Variants in STON1 observed in about 807,000 individuals in gnomAD.
STON1 encodes the protein stonin 1, also known as stonin-1.
In STON1, 79 loss-of-function variants were observed where a neutral mutation model predicts 60.9. The ratio of observed to expected loss-of-function variants is 1.30; its 90% confidence interval spans 1.08 to 1.56. The LOEUF (loss-of-function observed/expected upper bound fraction) is 1.56, where lower values mean the gene tolerates loss of function less well. Among genes scored for constraint, STON1 ranks in the 40% most tolerant of loss-of-function variants. The pLI, the probability that STON1 is intolerant of heterozygous loss-of-function variation, is 0.00. For synonymous variants in STON1, 363 were observed against 306.9 expected (o/e 1.18, Z -1.91); for missense variants, 1,166 against 858.9 (o/e 1.36, Z -4.47).
chr2:48,532,301 A>T (rs1671243880), intron 1 of STON1, among the ~76,000 whole-genome samples: 1 of 151,818 alleles, frequency 6.6e-6, no homozygotes, highest in South Asian at 2.1e-4. Context: ...GTGAGCCGAG[A>T]TTACACCACT....
chr2:48,586,087 C>T (rs762035679), intron 2 of STON1, among the ~76,000 whole-genome samples: 3 of 152,248 alleles, frequency 2.0e-5, no homozygotes, highest in South Asian at 2.1e-4. Context: ...AAAGCCTGGC[C>T]AGGGTAACCA....
chr2:48,584,270 A>AT (rs1674071384), intron 2 of STON1, among the ~76,000 whole-genome samples: 1 of 151,486 alleles, frequency 6.6e-6, no homozygotes, highest in Non-Finnish European at 1.5e-5. Context: ...AAACCTGGCT[A>AT]TATTATTATT....
chr2:48,543,529 CTT>C (rs869048449), intron 1 of STON1, among the ~76,000 whole-genome samples: 174 of 128,164 alleles, frequency 1.4e-3, no homozygotes, highest in African/African-American at 4.0e-3. Context: ...TTAAAGATAA[CTT>C]TTTTTTTTTT....
rs568923182 is a variant in STON1, at chr2:48,558,360, C to T, written c.-47-22227C>T. Among the ~76,000 whole-genome samples, 4 of 152,348 alleles carry T rather than the reference C, an allele frequency of 2.6e-5. No individual in the cohort carries two copies. The South Asian group carries it at 8.3e-4, about 32-fold the overall frequency. On this transcript the variant is annotated intron_variant, in intron 1 of 3. Transcript: ENST00000404752. ...AGCAAACATGCTGTTGTTATGTTAT[C>T]TGTAATTCAGCAGTACTTGCCTGTG... is the stretch of plus-strand genomic sequence containing the variant.
chr2:48,572,099 G>T (rs1337791423), intron 1 of STON1, among the ~76,000 whole-genome samples: 2 of 152,134 alleles, frequency 1.3e-5, no homozygotes, highest in Non-Finnish European at 2.9e-5. Flanking sequence ...GGAGGCAGAG[G>T]TTGCAGTGAG....
intron 1 of STON1, among the ~76,000 whole-genome samples, chr2:48,538,210 G>A (rs1671509193): frequency 6.6e-6 from 1 of 152,044 alleles, no homozygotes; most frequent in Non-Finnish European, 1.5e-5. Flanking sequence ...CCCCTCCTCG[G>A]CCTCCCAAAG....
At chr2:48,536,603 C>T (rs11689512) in intron 1 of STON1, among the ~76,000 whole-genome samples, 21,143 of 144,556 alleles carry the variant, frequency 0.15, 1,943 homozygotes, top group East Asian at 0.41. Flanking sequence ...TAAGGAAGAA[C>T]GCAAAAATTG....
Position 48,581,898 on chromosome 2 carries a change from AC to A in STON1, c.1266del (p.Trp424GlyfsTer15), listed in dbSNP as rs760692296. 2 of 1,613,920 alleles carry A rather than the reference AC, an allele frequency of 1.2e-6. No homozygotes were observed. Among genetic ancestry groups the A allele is most frequent in the Middle Eastern group, 1.6e-4 (1 of 6,082 alleles). ...EQEISLEIVD[N>X]FWGKVTKEGK... is the part of the protein sequence containing the mutation. Reference sequence around the variant, plus strand: ...GAAATTTCCTTGGAAATTGTGGACAACTTTTGGGGTAAAGTCACAAAAGAAG... The same window carrying A: ...GAAATTTCCTTGGAAATTGTGGACAATTTTGGGGTAAAGTCACAAAAGAAG... On this transcript the variant is annotated frameshift_variant, in exon 2 of 4. Transcript: ENST00000404752. LOFTEE classifies it high-confidence loss of function.
chr2:48,592,618 A>G (rs1159452162), intron 3 of STON1, among the ~76,000 whole-genome samples: 1 of 147,414 alleles, frequency 6.8e-6, no homozygotes, highest in Non-Finnish European at 1.5e-5. Flanking sequence ...TATTATTATT[A>G]TTATTATTAT....
At chr2:48,582,785 A>C (rs1199739328) in intron 2 of STON1, among the ~76,000 whole-genome samples, 1 of 152,206 alleles carries the variant, frequency 6.6e-6, no homozygotes, top group African/African-American at 2.4e-5. Context: ...TTTAAATATC[A>C]TACGAAATAC....
At chr2:48,563,811 G>A (rs370543651) in intron 1 of STON1, among the ~76,000 whole-genome samples, 4 of 151,958 alleles carry the variant, frequency 2.6e-5, no homozygotes, top group Admixed American at 6.6e-5. Flanking sequence ...CTCTCACCTC[G>A]GCCTCCTAAG....
chr2:48,534,577 G>A (rs1271471826), intron 1 of STON1, among the ~76,000 whole-genome samples: 1 of 152,172 alleles, frequency 6.6e-6, no homozygotes, highest in East Asian at 1.9e-4. Flanking sequence ...TCAGCACTTT[G>A]GGAGGCTGAG....
At chr2:48,555,008 ACACAG>A (rs1214648742) in intron 1 of STON1, among the ~76,000 whole-genome samples, 1 of 56,880 alleles carries the variant, frequency 1.8e-5, no homozygotes, top group Non-Finnish European at 3.5e-5. Context: ...CCCTGAGTGG[ACACAG>A]CACATGTTTC....
At chr2:48,585,252 T>C (rs1674141509) in intron 2 of STON1, among the ~76,000 whole-genome samples, 1 of 152,086 alleles carries the variant, frequency 6.6e-6, no homozygotes, top group African/African-American at 2.4e-5. Context: ...TGCTTTCTTT[T>C]TTTTTCTTTT....
At chr2:48,561,468 C>T (rs752902295) in intron 1 of STON1, among the ~76,000 whole-genome samples, 1 of 152,174 alleles carries the variant, frequency 6.6e-6, no homozygotes, top group Admixed American at 6.5e-5. Context: ...ATTGTGCGAA[C>T]CTCAGGAAAA....
intron 3 of STON1, among the ~76,000 whole-genome samples, chr2:48,594,775 A>C (rs1572655502): frequency 6.6e-6 from 1 of 152,108 alleles, no homozygotes; most frequent in Non-Finnish European, 1.5e-5. Context: ...TTTTGCCATT[A>C]GTTTTGCAGC....
At chr2:48,578,104 A>T (rs1673623913) in intron 1 of STON1, among the ~76,000 whole-genome samples, 1 of 152,066 alleles carries the variant, frequency 6.6e-6, no homozygotes, top group African/African-American at 2.4e-5. Context: ...CCTCCAGAGT[A>T]GCTTGGAATA....
intron 2 of STON1, among the ~76,000 whole-genome samples, chr2:48,588,448 T>C (rs904041007): frequency 6.6e-6 from 1 of 152,120 alleles, no homozygotes; most frequent in Non-Finnish European, 1.5e-5. Flanking sequence ...CCTCCCAGGC[T>C]CAAGCCATCC....
intron 1 of STON1, among the ~76,000 whole-genome samples, chr2:48,566,976 C>G (rs1160872511): frequency 6.6e-6 from 1 of 151,816 alleles, no homozygotes; most frequent in Non-Finnish European, 1.5e-5. Flanking sequence ...TGTCACTATT[C>G]TCTAAATTTA....
Sources: gnomAD v4.1 joint callset for allele counts (sites outside exome capture counted in the v4.1 genomes callset) on GRCh38, gnomAD v4.1.1 for gene constraint, MANE v1.5 for transcripts, NCBI Gene and HGNC (gene_info 2026-07-23, HGNC 2026-07-21) for gene names.